Variants in ZNF776 observed in about 807,000 individuals in gnomAD.
ZNF776 encodes zinc finger protein 776.
ZNF776 carries 4 observed loss-of-function variants against 7.0 expected under a neutral mutation model. The observed-to-expected ratio is 0.57, with a 90% CI of 0.28 to 1.31. ZNF776 has a LOEUF of 1.31. Ranked by LOEUF, ZNF776 falls within the 50% of genes most tolerant of loss-of-function variation. ZNF776 has a pLI of 0.10. For missense variants in ZNF776, 555 were observed against 625.9 expected (o/e 0.89, Z 1.21); for synonymous variants, 212 against 213.7 (o/e 0.99, Z 0.07).
chr19:57,753,248 T>G (rs1431463791), intron 2 of ZNF776, 43 bp from the exon 3 acceptor site: 1 of 1,561,682 alleles, frequency 6.4e-7, no homozygotes, highest in Admixed American at 1.8e-5. Flanking sequence ...AATACTTCCC[T>G]TCGGAAGTAC....
chr19:57,751,012 G>A lies in ZNF776; in HGVS notation c.160+101G>A, dbSNP rs997050090. The A allele has an allele frequency of 1.7e-5, 23 of 1,383,946 alleles. No homozygotes were observed. In the African/African-American group the frequency reaches 2.9e-4, roughly 18 times the overall value. 85.7% of individuals were successfully genotyped at this position (1,383,946 alleles called of 1,614,324 possible). ...TGTTTTCCTCACTTCAGGAGCCTGG[G>A]CACAGGTTCCTCTGTTAGTTCCCTG... On this transcript the variant is annotated intron_variant, in intron 2 of 2. Coordinates refer to ENST00000317178, the MANE Select transcript of ZNF776 (RefSeq NM_173632.4).
At chr19:57,747,145 A>G in intron 1 of ZNF776, 54 bp downstream of exon 1, 1 of 1,538,268 alleles carries the variant, frequency 6.5e-7, no homozygotes, top group South Asian at 1.2e-5. Flanking sequence ...CCTAAGTCCA[A>G]AAGCAGAGAG....
Position 57,754,169 on chromosome 19 carries a change from C to A in ZNF776, c.1039C>A (p.Pro347Thr), listed in dbSNP as rs1287945308. 6.2e-7 allele frequency: 1 copy of A among 1,614,046 alleles called. No homozygotes were observed. The highest frequency in any genetic ancestry group is 8.5e-7 in the Non-Finnish European group (1 of 1,180,010). The change falls in exon 3 of 3, where the codon CCT becomes ACT. Residue 347 changes from proline to threonine, a missense_variant. Physicochemically the swap from Pro to Thr is conservative, Grantham distance 38. Coordinates refer to ENST00000317178, the MANE Select transcript of ZNF776 (RefSeq NM_173632.4). ...HHQRVHTGER[P>T]YQCGECGKSF... ...CCAGCGAGTTCACACTGGAGAAAGA[C>A]CTTATCAGTGTGGAGAATGTGGGAA...
Position 57,754,799 on chromosome 19 carries a change from TG to T in ZNF776, c.*114del. On this transcript the variant is annotated 3_prime_UTR_variant, in exon 3 of 3. Transcript: ENST00000317178. ...GTGCAAAATCATCTAGCCAAAAGGT[TG>T]GCCTCATTCAACAATAGCAAGATCA... 8.7e-7 allele frequency: 1 copy of T among 1,149,502 alleles called. No individual in the cohort carries two copies. Among genetic ancestry groups the T allele is most frequent in the South Asian group, 1.5e-5 (1 of 65,146 alleles). The allele number at this position is 1,149,502 out of a possible 1,614,324, so 71.2% of individuals were successfully genotyped here.
chr19:57,753,683 A>G lies in ZNF776; in HGVS notation c.553A>G (p.Ile185Val). The G allele has an allele frequency of 6.2e-7, 1 of 1,614,226 alleles. No individual in the cohort carries two copies. The highest frequency in any genetic ancestry group is 8.5e-7 in the Non-Finnish European group (1 of 1,180,044). ...CTTGAGATTACTCCAACAAGAGGAC[A>G]TTCACACTTCAGGGAAGTCAAACTT... is the stretch of plus-strand genomic sequence containing the variant. ...SSLRLLQQED[I>V]HTSGKSNFET... Residue 185 changes from isoleucine (I) to valine (V), a missense_variant, in exon 3 of 3, where the codon ATT (isoleucine) becomes GTT (valine). Physicochemically the swap from Ile to Val is conservative, Grantham distance 29. Coordinates refer to ENST00000317178, the MANE Select transcript of ZNF776 (RefSeq NM_173632.4).
Position 57,754,266 on chromosome 19 carries a change from C to T in ZNF776, c.1136C>T (p.Thr379Met), listed in dbSNP as rs750136124. ...VHTGERPFEC[T>M]ACGKLFRSNS... ...ACTGGAGAAAGACCTTTTGAGTGTACGGCATGTGGGAAGTTATTTAGGAGC... is the reference window on the plus strand; with the variant it reads ...ACTGGAGAAAGACCTTTTGAGTGTATGGCATGTGGGAAGTTATTTAGGAGC... The change falls in exon 3 of 3, where the codon ACG becomes ATG. Residue 379 changes from threonine (T) to methionine (M), a missense_variant. Physicochemically the swap from Thr to Met is moderately conservative, Grantham distance 81. Coordinates refer to ENST00000317178, the MANE Select transcript of ZNF776 (RefSeq NM_173632.4). 4.6e-5 allele frequency: 74 copies of T among 1,612,462 alleles called. No individual in the cohort carries two copies. Among genetic ancestry groups the T allele is most frequent in the South Asian group, 1.8e-4 (16 of 91,030 alleles).
chr19:57,748,609 G>C (rs746341745), intron 1 of ZNF776, among the ~76,000 whole-genome samples: 9 of 152,290 alleles, frequency 5.9e-5, no homozygotes, highest in South Asian at 2.1e-4. Flanking sequence ...GTGGTTGAAT[G>C]ATGAGGACTG....
chr19:57,752,578 A>G (rs1249158825), intron 2 of ZNF776, among the ~76,000 whole-genome samples: 1 of 152,208 alleles, frequency 6.6e-6, no homozygotes, highest in Non-Finnish European at 1.5e-5. Flanking sequence ...TTAGGGATTT[A>G]GGAAAGTCAT....
chr19:57,747,103 G>A lies in ZNF776; in HGVS notation c.33+12G>A. Reference sequence around the variant, plus strand: ...GGCCCCCGGCTCAGGTAATTGTGGCGTCTTCCGTGCCCTCAGGTCACCTCA... The same window carrying A: ...GGCCCCCGGCTCAGGTAATTGTGGCATCTTCCGTGCCCTCAGGTCACCTCA... On this transcript the variant is annotated intron_variant, in intron 1 of 2. Transcript: ENST00000317178. 3 of 1,585,900 alleles carry A rather than the reference G, an allele frequency of 1.9e-6. No homozygotes were observed. The highest frequency in any genetic ancestry group is 1.7e-6 in the Non-Finnish European group (2 of 1,166,346).
intron 2 of ZNF776, among the ~76,000 whole-genome samples, chr19:57,751,950 C>T (rs1986623286): frequency 6.9e-6 from 1 of 144,048 alleles, no homozygotes; most frequent in African/African-American, 2.6e-5. Context: ...CGGCTCACTG[C>T]AACCTCCGCT....
intron 1 of ZNF776, among the ~76,000 whole-genome samples, chr19:57,748,195 G>T (rs1160833740): frequency 6.6e-6 from 1 of 152,298 alleles, no homozygotes; most frequent in South Asian, 2.1e-4. Context: ...TGGCTAAGGA[G>T]ATGTGGCTGG....
intron 1 of ZNF776, among the ~76,000 whole-genome samples, chr19:57,750,385 T>C (rs1986564085): frequency 6.6e-6 from 1 of 151,346 alleles, no homozygotes; most frequent in African/African-American, 2.4e-5. Flanking sequence ...AGAGCTGAGA[T>C]TATGTCATTG....
chr19:57,753,918 C>T lies in ZNF776; in HGVS notation c.788C>T (p.Pro263Leu). Residue 263 changes from proline to leucine, a missense_variant, in exon 3 of 3, where the codon CCT becomes CTT. By Grantham distance (98) the Pro-to-Leu change is moderately conservative. Coordinates refer to ENST00000317178, the MANE Select transcript of ZNF776 (RefSeq NM_173632.4). ...NHQGVRTGKR[P>L]YQCGQCDESF... The stretch of plus-strand genomic sequence containing the variant: ...CAGGGAGTTCGCACTGGAAAAAGAC[C>T]TTATCAGTGTGGACAATGTGATGAA... 6.2e-7 allele frequency: 1 copy of T among 1,614,230 alleles called. No homozygotes were observed. The highest frequency in any genetic ancestry group is 8.5e-7 in the Non-Finnish European group (1 of 1,180,044).
Position 57,754,733 on chromosome 19 carries a change from T to G in ZNF776, c.*46T>G. The G allele has an allele frequency of 6.4e-7, 1 of 1,567,370 alleles. No individual in the cohort carries two copies. The highest frequency in any genetic ancestry group is 8.7e-7 in the Non-Finnish European group (1 of 1,151,438). ...TAAAAAGAGCACCCTCATTCAACATTCGTGAGATCACACTGGAAAGCACTT... is the reference window on the plus strand; with the variant it reads ...TAAAAAGAGCACCCTCATTCAACATGCGTGAGATCACACTGGAAAGCACTT... On this transcript the variant is annotated 3_prime_UTR_variant, in exon 3 of 3. Transcript: ENST00000317178.
chr19:57,747,845 C>CTTT (rs35757667), intron 1 of ZNF776, among the ~76,000 whole-genome samples: 3 of 144,920 alleles, frequency 2.1e-5, no homozygotes, highest in South Asian at 4.4e-4. Context: ...TCTTAGGTAC[C>CTTT]TTTTTTTTTT....
rs1320003894 is a variant in ZNF776, at chr19:57,753,382, A to T, written c.252A>T (p.Val84=). 1 of 1,614,104 alleles carries T rather than the reference A, an allele frequency of 6.2e-7. No homozygotes were observed. The highest frequency in any genetic ancestry group is 1.3e-5 in the African/African-American group (1 of 74,944). Residue 84 remains valine (V), a synonymous_variant, in exon 3 of 3, where the codon GTA becomes GTT. Transcript: ENST00000317178. ...CACTCAGGACACATTGGACAGGTGT[A>T]TGTACCAAGAAGGTCCACCTCTGGG... ...ESPLRTHWTG[V]CTKKVHLWGM...
chr19:57,752,694 C>T (rs1157898228), intron 2 of ZNF776, among the ~76,000 whole-genome samples: 1 of 152,208 alleles, frequency 6.6e-6, no homozygotes, highest in East Asian at 1.9e-4. Flanking sequence ...CCGTTCTATA[C>T]CCTGTCACTT....
At position 57,754,184 on chromosome 19, in the gene ZNF776, G is replaced by A; in HGVS notation, c.1054G>A (p.Glu352Lys). ...HTGERPYQCG[E>K]CGKSFNHKCN... ...TGGAGAAAGACCTTATCAGTGTGGA[G>A]AATGTGGGAAATCGTTTAATCACAA... Residue 352 changes from glutamate (E) to lysine (K), a missense_variant, in exon 3 of 3, where the codon GAA (glutamate) becomes AAA (lysine). Transcript: ENST00000317178. 1.2e-6 allele frequency: 2 copies of A among 1,614,142 alleles called. No individual in the cohort carries two copies. The highest frequency in any genetic ancestry group is 2.2e-5 in the South Asian group (2 of 91,090).
intron 2 of ZNF776, 36 bp downstream of exon 2, chr19:57,750,947 ATT>A (rs1986585641): frequency 6.3e-7 from 1 of 1,577,988 alleles, no homozygotes; most frequent in Middle Eastern, 1.7e-4. Context: ...GACCTCAGCT[ATT>A]GTCTGTCTGT....
Sources: gnomAD v4.1 joint callset for allele counts (sites outside exome capture counted in the v4.1 genomes callset) on GRCh38, gnomAD v4.1.1 for gene constraint, MANE v1.5 for transcripts, NCBI Gene and HGNC (gene_info 2026-07-23, HGNC 2026-07-21) for gene names.